Variants in ERBB4 observed in about 807,000 individuals in gnomAD.
ERBB4 encodes the protein erb-b2 receptor tyrosine kinase 4.
Under a neutral mutation model 158.0 loss-of-function variants are expected in ERBB4, and 42 were observed. The ratio of observed to expected loss-of-function variants is 0.27; its 90% CI spans 0.21 to 0.34. The LOEUF (loss-of-function observed/expected upper bound fraction) is 0.34. Ranked by LOEUF, ERBB4 falls within the 10% of genes least tolerant of loss-of-function variation. The pLI is 1.00. For synonymous variants in ERBB4, 583 were observed against 558.7 expected, an observed-to-expected ratio of 1.04 and a Z score of -0.61; for missense variants, 1,333 against 1,624.1, an observed-to-expected ratio of 0.82 and a Z score of 3.08.
chr2:212,406,640 C>T (rs1489696805), intron 1 of ERBB4, among the ~76,000 whole-genome samples: 1 of 152,094 alleles, frequency 6.6e-6, no homozygotes, highest in African/African-American at 2.4e-5. Flanking sequence ...GAAACATTCG[C>T]CTTTGTTGCT....
At chr2:211,822,204 G>C (rs1219542102) in intron 3 of ERBB4, among the ~76,000 whole-genome samples, 1 of 151,860 alleles carries the variant, frequency 6.6e-6, no homozygotes, top group Non-Finnish European at 1.5e-5. Context: ...ATTACAGCTA[G>C]ATAGCAGGGA....
intron 1 of ERBB4, among the ~76,000 whole-genome samples, chr2:212,437,888 A>G (rs2092172342): frequency 6.6e-6 from 1 of 152,052 alleles, no homozygotes; most frequent in Non-Finnish European, 1.5e-5. Flanking sequence ...TAAAAAAATC[A>G]ACTCCTTAAG....
chr2:212,003,189 GA>G lies in ERBB4; in HGVS notation c.235-55574del, dbSNP rs1217737208. 5.3e-4 allele frequency among the ~76,000 whole-genome samples: 36 copies of G among 68,098 alleles called. 1 individual carries two copies. The highest frequency in any genetic ancestry group is 2.8e-3 in the South Asian group (5 of 1,784). 44.7% of individuals were successfully genotyped at this position (68,098 alleles called of 152,430 possible). The stretch of plus-strand genomic sequence containing the variant: ...AGAAAGAAAGAAAGAAAGAAAGAAA[GA>G]AAGAAAGAAAGAAAGACAGAAAGAA... On this transcript the variant is annotated intron_variant, in intron 2 of 27. Coordinates refer to ENST00000342788, the MANE Select transcript of ERBB4 (RefSeq NM_005235.3).
At chr2:212,337,544 T>C (rs892312175) in intron 1 of ERBB4, among the ~76,000 whole-genome samples, 40 of 152,102 alleles carry the variant, frequency 2.6e-4, no homozygotes, top group Admixed American at 5.9e-4. Flanking sequence ...CACTTTAATG[T>C]GAATAAGAAT....
rs150735688 is a variant in ERBB4, at chr2:211,807,596, A to G, written c.422-19437T>C. 5.0e-3 allele frequency among the ~76,000 whole-genome samples: 767 copies of G among 152,354 alleles called. 10 individuals carry two copies. Among genetic ancestry groups the G allele is most frequent in the African/African-American group, 0.017 (726 of 41,580 alleles). ...CTTTGCTATTGTGAATAGTGCCACA[A>G]TAAACATATATGTGCATGTGTCTTT... On this transcript the variant is annotated intron_variant, in intron 3 of 27. Transcript: ENST00000342788.
At chr2:211,639,568 A>G (rs2070492239) in intron 16 of ERBB4, among the ~76,000 whole-genome samples, 1 of 152,216 alleles carries the variant, frequency 6.6e-6, no homozygotes, top group African/African-American at 2.4e-5. Context: ...TCTATGCACT[A>G]TAATTTCAGA....
chr2:211,978,971 T>C (rs2081712517), intron 2 of ERBB4, among the ~76,000 whole-genome samples: 1 of 152,190 alleles, frequency 6.6e-6, no homozygotes, highest in Non-Finnish European at 1.5e-5. Flanking sequence ...CATAGATATA[T>C]GGAAAAAGTG....
intron 3 of ERBB4, among the ~76,000 whole-genome samples, chr2:211,944,220 AC>A (rs1173412715): frequency 2.1e-4 from 12 of 58,502 alleles, no homozygotes; most frequent in African/African-American, 7.1e-4. Context: ...ATATACACAC[AC>A]ACACAAAAAA....
At chr2:212,358,356 G>A (rs1333867830) in intron 1 of ERBB4, among the ~76,000 whole-genome samples, 1 of 150,900 alleles carries the variant, frequency 6.6e-6, no homozygotes, top group Non-Finnish European at 1.5e-5. Flanking sequence ...TCAGTTCTTA[G>A]CACTTTTTTT....
At chr2:212,337,827 C>T (rs115289207) in intron 1 of ERBB4, among the ~76,000 whole-genome samples, 2,818 of 152,186 alleles carry the variant, frequency 0.019, 46 homozygotes, top group South Asian at 0.067. Flanking sequence ...TTCAAATATG[C>T]TCCTAATCTA....
In ERBB4 at chr2:211,495,173, G is replaced by T. The variant is rs759112501; in HGVS notation, c.2488-64073C>A. ...TTGGACAAGGAGTAAGAAGAGCTAT[G>T]AAATCTGTTCTTAGAGATAAAAAAG... On this transcript the variant is annotated intron_variant, in intron 20 of 27. Transcript: ENST00000342788. Among the ~76,000 whole-genome samples the T allele has an allele frequency of 1.1e-4, 16 of 151,966 alleles. 1 individual carries two copies. Among genetic ancestry groups the T allele is most frequent in the Non-Finnish European group, 2.1e-4 (14 of 68,000 alleles).
At chr2:211,976,924 T>G (rs187558455) in intron 2 of ERBB4, among the ~76,000 whole-genome samples, 122 of 152,306 alleles carry the variant, frequency 8.0e-4, no homozygotes, top group African/African-American at 2.6e-3. Flanking sequence ...CTGTGTGATC[T>G]TAGAAAGTTG....
At chr2:211,624,354 T>C (rs1341465683) in intron 17 of ERBB4, among the ~76,000 whole-genome samples, 2 of 152,092 alleles carry the variant, frequency 1.3e-5, no homozygotes, top group Admixed American at 1.3e-4. Flanking sequence ...AAATGCTGCC[T>C]TCTTAGAGCT....
intron 3 of ERBB4, among the ~76,000 whole-genome samples, chr2:211,898,034 G>T (rs2079144651): frequency 6.6e-6 from 1 of 151,716 alleles, no homozygotes; most frequent in Admixed American, 6.6e-5. Flanking sequence ...ACAGTGCTGG[G>T]GTTACAAGTA....
chr2:211,539,979 A>G (rs887074152), intron 20 of ERBB4, among the ~76,000 whole-genome samples: 1 of 151,774 alleles, frequency 6.6e-6, no homozygotes, highest in Non-Finnish European at 1.5e-5. Context: ...TTTGTCCTTC[A>G]TTTTATATGA....
At chr2:212,338,685 C>T (rs1046407573) in intron 1 of ERBB4, among the ~76,000 whole-genome samples, 4 of 152,092 alleles carry the variant, frequency 2.6e-5, no homozygotes, top group Non-Finnish European at 4.4e-5. Flanking sequence ...TTAGGCATTG[C>T]ATCAACATTG....
chr2:212,167,025 G>T (rs149321295), intron 1 of ERBB4, among the ~76,000 whole-genome samples: 1 of 152,216 alleles, frequency 6.6e-6, no homozygotes, highest in East Asian at 1.9e-4. Context: ...TCAGGACATA[G>T]GTATGGGCAA....
intron 1 of ERBB4, among the ~76,000 whole-genome samples, chr2:212,369,778 G>T (rs1168450422): frequency 1.3e-5 from 2 of 152,090 alleles, no homozygotes; most frequent in East Asian, 1.9e-4. Flanking sequence ...AAGCAGCCTG[G>T]AAATTGTGGG....
At chr2:211,426,763 TAGAA>T (rs1323146698) in intron 22 of ERBB4, among the ~76,000 whole-genome samples, 1 of 151,440 alleles carries the variant, frequency 6.6e-6, no homozygotes, top group African/African-American at 2.4e-5. Context: ...GAACTGTAAG[TAGAA>T]AGAAAAAGAA....
Sources: allele counts gnomAD v4.1 joint callset (sites outside exome capture counted in the v4.1 genomes callset), GRCh38; gene constraint gnomAD v4.1.1; transcripts MANE v1.5; gene names NCBI Gene and HGNC (gene_info 2026-07-23, HGNC 2026-07-21).